ATP8B4: variants seen among roughly 807,000 people sequenced by gnomAD.
ATP8B4 encodes ATPase phospholipid transporting 8B4 (putative), also known as probable phospholipid-transporting ATPase IM.
A neutral mutation model predicts 145.6 loss-of-function variants in ATP8B4; 133 were observed. The observed-to-expected ratio is 0.91, with a 90% CI of 0.79 to 1.05. The LOEUF (loss-of-function observed/expected upper bound fraction) is 1.05, where lower values mean the gene tolerates loss of function less well. ATP8B4 is among the 50% of genes least tolerant of loss of function. The pLI, the probability that ATP8B4 is intolerant of heterozygous loss-of-function variation, is 0.00. For missense variants in ATP8B4, 1,458 were observed against 1,425.2 expected (o/e 1.02, Z -0.37); for synonymous variants, 507 against 492.9 (o/e 1.03, Z -0.38).
At chr15:49,925,217 A>T (rs2040608373) in intron 16 of ATP8B4, among the ~76,000 whole-genome samples, 1 of 151,894 alleles carries the variant, frequency 6.6e-6, no homozygotes, top group African/African-American at 2.4e-5. Context: ...CTAACATATA[A>T]GCATAAATAA....
chr15:50,033,473 A>G (rs2050600864), intron 6 of ATP8B4, among the ~76,000 whole-genome samples: 1 of 152,240 alleles, frequency 6.6e-6, no homozygotes, highest in African/African-American at 2.4e-5. Flanking sequence ...AAGGGATGCT[A>G]GCAGCCTGGA....
At position 49,897,304 on chromosome 15, in the gene ATP8B4, A is replaced by T. The variant is rs1422349695; in HGVS notation, c.2685T>A (p.Gly895=). The T allele has an allele frequency of 2.5e-6, 4 of 1,609,028 alleles. No individual in the cohort carries two copies. The South Asian group carries it at 4.5e-5, about 18-fold the overall frequency. The change falls in exon 23 of 28, where the codon GGT becomes GGA. Residue 895 remains glycine (G), a synonymous_variant. Transcript: ENST00000284509. ...LVHFWFGFFC[G]FSAQTVYDQW... ...TGCTTTTACCAACCTGGGCTGAGAA[A>T]CCACAGAAGAAACCAAACCAGAAAT...
intron 3 of ATP8B4, among the ~76,000 whole-genome samples, chr15:50,048,182 G>T (rs2051873311): frequency 6.6e-6 from 1 of 152,004 alleles, no homozygotes; most frequent in African/African-American, 2.4e-5. Context: ...AACAGGAGGG[G>T]AGCTCCTGGG....
chr15:50,091,486 G>A (rs756928496), intron 2 of ATP8B4, among the ~76,000 whole-genome samples: 4 of 152,132 alleles, frequency 2.6e-5, no homozygotes, highest in Middle Eastern at 3.4e-3. Flanking sequence ...ATGAAGAAAC[G>A]TAGAGTTAGA....
At chr15:50,010,188 T>A (rs754103931) in intron 7 of ATP8B4, among the ~76,000 whole-genome samples, 10 of 152,168 alleles carry the variant, frequency 6.6e-5, no homozygotes, top group Non-Finnish European at 1.3e-4. Flanking sequence ...TTGAATTTTT[T>A]AATCTCTGAT....
intron 13 of ATP8B4, among the ~76,000 whole-genome samples, chr15:49,970,204 A>G (rs2044968868): frequency 6.6e-6 from 1 of 152,198 alleles, no homozygotes; most frequent in African/African-American, 2.4e-5. Flanking sequence ...CCCTTTGAAA[A>G]CCAGCACAAG....
chr15:50,098,177 T>C (rs914118254), intron 2 of ATP8B4, among the ~76,000 whole-genome samples: 2 of 150,352 alleles, frequency 1.3e-5, no homozygotes, highest in Admixed American at 6.7e-5. Context: ...TAAATTGAAA[T>C]AGTATGTGTA....
chr15:49,878,865 C>T (rs930642868), intron 24 of ATP8B4, among the ~76,000 whole-genome samples: 5 of 152,156 alleles, frequency 3.3e-5, no homozygotes, highest in African/African-American at 1.2e-4. Flanking sequence ...TGCAGATGTT[C>T]GCAACAAGGG....
chr15:50,011,208 G>A (rs534307623), intron 6 of ATP8B4, among the ~76,000 whole-genome samples: 159 of 152,232 alleles, frequency 1.0e-3, no homozygotes, highest in Non-Finnish European at 1.8e-3. Flanking sequence ...CAGCAGCTAT[G>A]AAATCTCAAT....
chr15:50,158,369 C>T (rs35754104), intron 1 of ATP8B4, among the ~76,000 whole-genome samples: 18,878 of 150,914 alleles, frequency 0.13, 1,360 homozygotes, highest in Non-Finnish European at 0.18. Flanking sequence ...CGCCCGGCAG[C>T]CACCCCATCC....
At chr15:50,085,747 A>G (rs1314558782) in intron 2 of ATP8B4, among the ~76,000 whole-genome samples, 1 of 149,576 alleles carries the variant, frequency 6.7e-6, no homozygotes, top group Non-Finnish European at 1.5e-5. Context: ...AGGAGTATCA[A>G]GTAAATGTAT....
intron 13 of ATP8B4, 94 bp downstream of exon 13, chr15:49,972,488 G>T (rs536445874): frequency 1.7e-6 from 2 of 1,207,216 alleles, no homozygotes; most frequent in South Asian, 3.0e-5. Flanking sequence ...GAAAGCCAGC[G>T]ACTGTTTTGG....
intron 6 of ATP8B4, among the ~76,000 whole-genome samples, 196 bp from the exon 7 acceptor site, chr15:50,011,113 T>A (rs2048694520): frequency 6.6e-6 from 1 of 152,136 alleles, no homozygotes. Context: ...AGATACCCAG[T>A]GAGTTAGGGG....
At chr15:50,178,166 T>C (rs1292745792) in intron 1 of ATP8B4, among the ~76,000 whole-genome samples, 2 of 151,980 alleles carry the variant, frequency 1.3e-5, no homozygotes, top group Non-Finnish European at 2.9e-5. Context: ...AAAAGAGGGG[T>C]CTAGGAGGCC....
At chr15:50,045,668 T>C (rs528677906) in intron 4 of ATP8B4, among the ~76,000 whole-genome samples, 8 of 152,338 alleles carry the variant, frequency 5.3e-5, no homozygotes, top group Non-Finnish European at 1.0e-4. Flanking sequence ...TCAGAAAAGC[T>C]AAATTCTAGT....
At chr15:50,107,266 T>C (rs140797801) in intron 1 of ATP8B4, among the ~76,000 whole-genome samples, 156 of 152,326 alleles carry the variant, frequency 1.0e-3, no homozygotes, top group African/African-American at 3.7e-3. Flanking sequence ...GGCATTCAAA[T>C]TGAATCAAAT....
At chr15:50,103,116 G>A (rs1190897946) in intron 2 of ATP8B4, among the ~76,000 whole-genome samples, 1 of 152,080 alleles carries the variant, frequency 6.6e-6, no homozygotes, top group Non-Finnish European at 1.5e-5. Flanking sequence ...AGCCATCTAT[G>A]ACAAACCCAC....
At chr15:49,950,694 G>T (rs8040432) in intron 14 of ATP8B4, among the ~76,000 whole-genome samples, 137,161 of 150,798 alleles carry the variant, frequency 0.91, 62,600 homozygotes, top group African/African-American at 0.97. Context: ...TGTGTCTCTA[G>T]CTCCTTCAAT....
intron 1 of ATP8B4, among the ~76,000 whole-genome samples, chr15:50,139,338 A>G (rs1209730318): frequency 1.3e-5 from 2 of 152,202 alleles, no homozygotes; most frequent in Non-Finnish European, 2.9e-5. Context: ...ACACAGGAAC[A>G]GAAAACCAAA....
Sources: allele counts gnomAD v4.1 joint callset (sites outside exome capture counted in the v4.1 genomes callset), GRCh38; gene constraint gnomAD v4.1.1; transcripts MANE v1.5; gene names NCBI Gene and HGNC (gene_info 2026-07-23, HGNC 2026-07-21).